The following TSBP1 variants were observed in gnomAD, a reference collection of about 807,000 sequenced individuals.
The protein encoded by TSBP1 is testis expressed basic protein 1.
In TSBP1, 56 loss-of-function variants were observed where a neutral mutation model predicts 68.8. The ratio of observed to expected loss-of-function variants is 0.81; its 90% CI spans 0.66 to 1.02. TSBP1 has a LOEUF of 1.02. TSBP1 is among the 50% of genes least tolerant of loss of function. The pLI, the probability that TSBP1 is intolerant of heterozygous loss-of-function variation, is 0.00. For missense variants in TSBP1, 502 were observed against 641.2 expected (o/e 0.78, Z 2.34); for synonymous variants, 171 against 208.7 (o/e 0.82, Z 1.56).
exon 23 of TSBP1, chr6:32,293,287 C>T (rs140326264): frequency 1.9e-6 from 3 of 1,612,394 alleles, no homozygotes; most frequent in Non-Finnish European, 2.5e-6. Context: ...GTACACTCAC[C>T]TCAGTGTTCT....
chr6:32,367,052 CGTGTGTGT>C lies in TSBP1; in HGVS notation c.167-758_167-751del, dbSNP rs3038518. ...CTCTCAGGGATCTATATGCTTGTAG[CGTGTGTGT>C]GTGTGTGTGTGTGTGTGTAATTATT... On this transcript the variant is annotated intron_variant, in intron 4 of 22. Coordinates refer to ENST00000612031, the Ensembl canonical transcript of TSBP1. Among the ~76,000 whole-genome samples, 17 of 148,452 alleles carry C rather than the reference CGTGTGTGT, an allele frequency of 1.1e-4. No homozygotes were observed. In the East Asian group the frequency reaches 1.2e-3, roughly 10 times the overall value.
intron 19 of TSBP1, among the ~76,000 whole-genome samples, chr6:32,309,955 C>T (rs1333645422): frequency 6.6e-6 from 1 of 152,148 alleles, no homozygotes; most frequent in Non-Finnish European, 1.5e-5. Context: ...TCCATGAGTT[C>T]AATGTTTTAA....
intron 19 of TSBP1, among the ~76,000 whole-genome samples, chr6:32,309,478 A>G (rs1181678278): frequency 2.6e-5 from 4 of 152,164 alleles, no homozygotes; most frequent in Non-Finnish European, 5.9e-5. Context: ...TGAATATACA[A>G]AATGACTTCA....
Position 32,316,499 on chromosome 6 carries a change from T to C in TSBP1, c.560-707A>G. On this transcript the variant is annotated intron_variant, in intron 18 of 22. Transcript: ENST00000612031. This position sits in a 1 kb window ranked among gnomAD's most constrained non-coding sequence, Gnocchi z 4.5. ...GAGATATTTGTGTTGGGGAGAATCT[T>C]GGTAGTCACACAGCTCTGGATGACA... The C allele has an allele frequency of 9.1e-7, 1 of 1,100,384 alleles. No individual in the cohort carries two copies. The highest frequency in any genetic ancestry group is 1.3e-6 in the Non-Finnish European group (1 of 746,204). The allele number at this position is 1,100,384 out of a possible 1,614,324, so 68.2% of individuals were successfully genotyped here.
chr6:32,370,407 G>GTGTGTGTGTGTGTATA (rs1241237254), intron 1 of TSBP1, among the ~76,000 whole-genome samples: 3 of 130,688 alleles, frequency 2.3e-5, no homozygotes, highest in Admixed American at 7.8e-5. Context: ...AAGATTTTCT[G>GTGTGTGTGTGTGTATA]TATATATATA....
At chr6:32,344,063 T>C (rs1770676788) in intron 9 of TSBP1, among the ~76,000 whole-genome samples, 1 of 151,936 alleles carries the variant, frequency 6.6e-6, no homozygotes, top group South Asian at 2.1e-4. Context: ...ATTCTCACCA[T>C]CTTTTGGAAC....
At position 32,335,834 on chromosome 6, in the gene TSBP1, A is replaced by G. The variant is rs1195440321; in HGVS notation, c.451+78T>C. Reference sequence around the variant, plus strand: ...AACTCCAAACCCTTGAAATCCCAACATGGAAACCAGGTAGCGATCCCTAAG... The same window carrying G: ...AACTCCAAACCCTTGAAATCCCAACGTGGAAACCAGGTAGCGATCCCTAAG... On this transcript the variant is annotated intron_variant, in intron 13 of 22. Coordinates refer to ENST00000612031, the Ensembl canonical transcript of TSBP1. This position sits in a 1 kb window ranked among gnomAD's most constrained non-coding sequence, Gnocchi z 5.5. 8.5e-7 allele frequency: 1 copy of G among 1,180,974 alleles called. No homozygotes were observed. The highest frequency in any genetic ancestry group is 1.3e-6 in the Non-Finnish European group (1 of 796,636). The allele number at this position is 1,180,974 out of a possible 1,614,324, so 73.2% of individuals were successfully genotyped here. A position where few individuals can be genotyped will look rare whatever the true frequency, so the allele number is the denominator to read the frequency against.
At chr6:32,299,198 C>A (rs1195596402) in intron 22 of TSBP1, among the ~76,000 whole-genome samples, 1 of 152,146 alleles carries the variant, frequency 6.6e-6, no homozygotes, top group Non-Finnish European at 1.5e-5. Flanking sequence ...GGGTAAATAC[C>A]TGAGTTAGTT....
At chr6:32,326,628 A>G (rs1768247505) in intron 16 of TSBP1, among the ~76,000 whole-genome samples, 1 of 152,206 alleles carries the variant, frequency 6.6e-6, no homozygotes, top group African/African-American at 2.4e-5. Context: ...ATTGAGTTTC[A>G]CTCATGAAGG....
chr6:32,371,617 A>G (rs184763775), intron 1 of TSBP1, 77 bp downstream of exon 1: 24 of 1,028,642 alleles, frequency 2.3e-5, no homozygotes, highest in Admixed American at 1.4e-4. Context: ...CAGTTGTGTT[A>G]AAGTCCCTAA....
At chr6:32,371,043 T>G (rs1774363911) in intron 1 of TSBP1, among the ~76,000 whole-genome samples, 1 of 152,208 alleles carries the variant, frequency 6.6e-6, no homozygotes, top group African/African-American at 2.4e-5. Flanking sequence ...CAGGGCAGAT[T>G]AGGCATTTGT....
intron 8 of TSBP1, chr6:32,350,174 A>C: frequency 2.1e-6 from 1 of 482,994 alleles, no homozygotes; most frequent in South Asian, 1.5e-5. Flanking sequence ...TTGTTCGAAA[A>C]GATTTTTTGT....
rs117966098 is a variant in TSBP1, at chr6:32,362,562, T to A, written c.217+3605A>T. Among the ~76,000 whole-genome samples the A allele has an allele frequency of 2.6e-3, 403 of 152,364 alleles. 19 individuals carry two copies. In the East Asian group the frequency reaches 0.071, roughly 27 times the overall value. ...AGACAAATATTAACCACTTATCAGA[T>A]ATATGGTTTGCAAATATTTTCTCCT... On this transcript the variant is annotated intron_variant, in intron 6 of 22. Coordinates refer to ENST00000612031, the Ensembl canonical transcript of TSBP1.
At chr6:32,329,526 C>A (rs925361334) in intron 16 of TSBP1, among the ~76,000 whole-genome samples, 1 of 152,174 alleles carries the variant, frequency 6.6e-6, no homozygotes, top group African/African-American at 2.4e-5. Flanking sequence ...GAATTCAGGG[C>A]AGTAAATATC....
rs760641383 is a variant in TSBP1, at chr6:32,336,670, A to G, written c.410-35T>C. ...AAAAAGGAGGAAAGTGTGGTTTGACATTAATAGAATTTTCATTTTACCAGT... is the reference window on the plus strand; with the variant it reads ...AAAAAGGAGGAAAGTGTGGTTTGACGTTAATAGAATTTTCATTTTACCAGT... On this transcript the variant is annotated intron_variant, in intron 11 of 22. Transcript: ENST00000612031. This position sits in a 1 kb window ranked among gnomAD's most constrained non-coding sequence, Gnocchi z 5.2. 6.3e-7 allele frequency: 1 copy of G among 1,597,890 alleles called. No individual in the cohort carries two copies. Among genetic ancestry groups the G allele is most frequent in the African/African-American group, 1.3e-5 (1 of 74,732 alleles).
rs536722642 is a variant in TSBP1, at chr6:32,333,962, T to C, written c.472+1475A>G. The C allele has an allele frequency of 2.5e-5, 7 of 276,972 alleles. No homozygotes were observed. The highest frequency in any genetic ancestry group is 2.3e-4 in the Admixed American group (5 of 21,332). The allele number at this position is 276,972 out of a possible 1,614,324, so 17.2% of individuals were successfully genotyped here. A position where few individuals can be genotyped will look rare whatever the true frequency, so the allele number is the denominator to read the frequency against. Reference sequence around the variant, plus strand: ...AGTAAACCAGTTACACATTTAGATATTATGCTAACTTAATAGTTGCTTTGC... The same window carrying C: ...AGTAAACCAGTTACACATTTAGATACTATGCTAACTTAATAGTTGCTTTGC... On this transcript the variant is annotated intron_variant, in intron 14 of 22. Transcript: ENST00000612031. This position sits in a 1 kb window ranked among gnomAD's most constrained non-coding sequence, Gnocchi z 4.2.
intron 22 of TSBP1, among the ~76,000 whole-genome samples, chr6:32,294,895 T>C (rs1207257487): frequency 6.6e-6 from 1 of 152,122 alleles, no homozygotes; most frequent in African/African-American, 2.4e-5. Flanking sequence ...TTAAGTAATA[T>C]GGTTCCCTGA....
At chr6:32,349,967 C>T in intron 8 of TSBP1, 1 of 759,950 alleles carries the variant, frequency 1.3e-6, no homozygotes. Context: ...GGTGGGACTA[C>T]AAGATCTATG....
At chr6:32,297,787 A>G (rs1764862109) in intron 22 of TSBP1, among the ~76,000 whole-genome samples, 1 of 152,140 alleles carries the variant, frequency 6.6e-6, no homozygotes, top group Non-Finnish European at 1.5e-5. Flanking sequence ...GGGCCGATGC[A>G]GTGGCTCACA....
Sources: allele counts gnomAD v4.1 joint callset (sites outside exome capture counted in the v4.1 genomes callset), GRCh38; gene constraint gnomAD v4.1.1; non-coding constraint Gnocchi (gnomAD v3.1); transcripts MANE v1.5; gene names NCBI Gene and HGNC (gene_info 2026-07-23, HGNC 2026-07-21).